The following TET2 variants were observed in gnomAD, a reference collection of about 807,000 sequenced individuals.
TET2 encodes the protein methylcytosine dioxygenase TET2.
In TET2, 299 loss-of-function variants were observed where a neutral mutation model predicts 142.9. That is an observed-to-expected ratio of 2.09 (90% CI 1.90 to 2.30). The LOEUF is 2.30. Ranked by LOEUF, TET2 falls within the 30% of genes most tolerant of loss-of-function variation. The pLI is 0.00. For missense variants in TET2, 2,418 were observed against 2,378.0 expected (o/e 1.02, Z -0.35); for synonymous variants, 819 against 849.0 (o/e 0.96, Z 0.61).
At chr4:105,274,211 C>T (rs944885794) in intron 10 of TET2, among the ~76,000 whole-genome samples, 3 of 152,214 alleles carry the variant, frequency 2.0e-5, no homozygotes, top group Non-Finnish European at 2.9e-5. Flanking sequence ...GTAATAATCC[C>T]TTCTGTTCTC....
At chr4:105,163,479 A>C (rs1032031941) in intron 1 of TET2, among the ~76,000 whole-genome samples, 20 of 152,312 alleles carry the variant, frequency 1.3e-4, no homozygotes, top group African/African-American at 4.8e-4. Flanking sequence ...CAGTTGCCTC[A>C]AATAGCGTAA....
intron 1 of TET2, among the ~76,000 whole-genome samples, chr4:105,180,957 C>G (rs1578570926): frequency 6.6e-6 from 1 of 152,044 alleles, no homozygotes; most frequent in Non-Finnish European, 1.5e-5. Context: ...TTTCTTTTAA[C>G]TCAAATCCTC....
At chr4:105,214,471 ATTTTTTTTT>A (rs35752514) in intron 2 of TET2, among the ~76,000 whole-genome samples, 10 of 92,104 alleles carry the variant, frequency 1.1e-4, no homozygotes, top group African/African-American at 4.8e-4. Context: ...CACACCTGGC[ATTTTTTTTT>A]TTTTTTTTTT....
chr4:105,181,055 A>G (rs1472263714), intron 1 of TET2, among the ~76,000 whole-genome samples: 1 of 152,184 alleles, frequency 6.6e-6, no homozygotes, highest in African/African-American at 2.4e-5. Context: ...TATAAAACCA[A>G]GTTTAAAAAT....
In TET2 at chr4:105,276,217, C is replaced by T; in HGVS notation, c.5707C>T (p.Gln1903Ter). 6.4e-7 allele frequency: 1 copy of T among 1,551,628 alleles called. No homozygotes were observed. The change falls in exon 11 of 11, where the codon CAG (glutamine) becomes TAG (stop). Residue 1903 changes from glutamine (Q) to a stop codon, truncating the protein, a stop_gained. Coordinates refer to ENST00000380013, the MANE Select transcript of TET2 (RefSeq NM_001127208.3). LOFTEE classifies it high-confidence loss of function. Reference sequence around the variant, plus strand: ...CACCAGGATCTCCCTCGTCTTTTACCAGCATAAGAGCATGAATGAGCCAAA... The same window carrying T: ...CACCAGGATCTCCCTCGTCTTTTACTAGCATAAGAGCATGAATGAGCCAAA... ...HPTRISLVFY[Q>*]HKSMNEPKHG...
chr4:105,236,487 A>G lies in TET2; in HGVS notation c.2545A>G (p.Thr849Ala). The G allele has an allele frequency of 4.3e-6, 7 of 1,614,142 alleles. No homozygotes were observed. The highest frequency in any genetic ancestry group is 5.9e-6 in the Non-Finnish European group (7 of 1,180,018). The change falls in exon 3 of 11, where the codon ACA (threonine) becomes GCA (alanine). Residue 849 changes from threonine to alanine, a missense_variant. Transcript: ENST00000380013. The stretch of plus-strand genomic sequence containing the variant: ...AGTTTCAGAGAATAAAGAACAGACT[A>G]CACATCCTGAACTTTTTGCAGGAAA... ...HLVSENKEQT[T>A]HPELFAGNKT...
chr4:105,189,299 C>T (rs1308729249), intron 1 of TET2, among the ~76,000 whole-genome samples: 2 of 152,050 alleles, frequency 1.3e-5, no homozygotes, highest in African/African-American at 2.4e-5. Flanking sequence ...CCAAGAACCC[C>T]GGGAACCTGA....
chr4:105,269,465 T>G, intron 8 of TET2, 145 bp from the exon 9 acceptor site: 2 of 827,700 alleles, frequency 2.4e-6, no homozygotes, highest in Non-Finnish European at 3.7e-6. Flanking sequence ...ATTTGCTCTA[T>G]TTTGTGTCAT....
intron 2 of TET2, among the ~76,000 whole-genome samples, chr4:105,209,765 G>A (rs1727051966): frequency 6.6e-6 from 1 of 152,140 alleles, no homozygotes; most frequent in Non-Finnish European, 1.5e-5. Context: ...TAGTATAGAG[G>A]TGTGAAGATC....
At chr4:105,163,486 G>A (rs6825684) in intron 1 of TET2, among the ~76,000 whole-genome samples, 26,053 of 152,024 alleles carry the variant, frequency 0.17, 2,671 homozygotes, top group African/African-American at 0.28. Flanking sequence ...CTCAAATAGC[G>A]TAACAAGCTA....
intron 1 of TET2, among the ~76,000 whole-genome samples, chr4:105,148,867 C>G (rs892032260): frequency 6.6e-6 from 1 of 152,076 alleles, no homozygotes; most frequent in African/African-American, 2.4e-5. Context: ...CTCCATAAGT[C>G]GAATTTCCAA....
chr4:105,177,294 T>C (rs1259748889), intron 1 of TET2, among the ~76,000 whole-genome samples: 1 of 152,180 alleles, frequency 6.6e-6, no homozygotes, highest in East Asian at 1.9e-4. Context: ...TTAACTAAAA[T>C]TTAAAACTTC....
chr4:105,236,821 A>C lies in TET2; in HGVS notation c.2879A>C (p.Gln960Pro). 6.2e-7 allele frequency: 1 copy of C among 1,614,152 alleles called. No homozygotes were observed. The highest frequency in any genetic ancestry group is 8.5e-7 in the Non-Finnish European group (1 of 1,180,000). ...AALRWHLLQK[Q>P]EQQQTQQPQT... Reference sequence around the variant, plus strand: ...CTAAGGTGGCATCTCTTACAGAAGCAAGAACAGCAGCAAACACAGCAACCC... The same window carrying C: ...CTAAGGTGGCATCTCTTACAGAAGCCAGAACAGCAGCAAACACAGCAACCC... Residue 960 changes from glutamine to proline, a missense_variant, in exon 3 of 11, where the codon CAA becomes CCA. Transcript: ENST00000380013.
At position 105,277,743 on chromosome 4, in the gene TET2, T is replaced by C. The variant is rs1166271564; in HGVS notation, c.*1224T>C. On this transcript the variant is annotated 3_prime_UTR_variant, in exon 11 of 11. Coordinates refer to ENST00000380013, the MANE Select transcript of TET2 (RefSeq NM_001127208.3). The stretch of plus-strand genomic sequence containing the variant: ...GTATGACAAGTTCATTGCTCAAAAA[T>C]GTACAGTTTTAAGAATTTTCTATTA... The C allele has an allele frequency of 4.4e-6, 1 of 227,926 alleles. No homozygotes were observed. The highest frequency in any genetic ancestry group is 8.7e-6 in the Non-Finnish European group (1 of 114,898). 14.1% of individuals were successfully genotyped at this position (227,926 alleles called of 1,614,324 possible). A position where few individuals can be genotyped will look rare whatever the true frequency, so the allele number is the denominator to read the frequency against.
Position 105,276,237 on chromosome 4 carries a change from G to C in TET2, c.5727G>C (p.Glu1909Asp), listed in dbSNP as rs1317517207. The C allele has an allele frequency of 6.4e-7, 1 of 1,551,534 alleles. No homozygotes were observed. The change falls in exon 11 of 11, where the codon GAG (glutamate) becomes GAC (aspartate). Residue 1909 changes from glutamate (E) to aspartate (D), a missense_variant. Physicochemically the swap from Glu to Asp is conservative, Grantham distance 45. Transcript: ENST00000380013. ...LVFYQHKSMNEPKHGLALWEA... is the reference protein window; with the variant it reads ...LVFYQHKSMNDPKHGLALWEA... ...TTTACCAGCATAAGAGCATGAATGAGCCAAAACATGGCTTGGCTCTTTGGG... is the reference window on the plus strand; with the variant it reads ...TTTACCAGCATAAGAGCATGAATGACCCAAAACATGGCTTGGCTCTTTGGG...
chr4:105,204,418 A>C (rs949609540), intron 2 of TET2, among the ~76,000 whole-genome samples: 1 of 152,156 alleles, frequency 6.6e-6, no homozygotes, highest in Non-Finnish European at 1.5e-5. Flanking sequence ...TTGCCTAAAA[A>C]TATTAGACAT....
At chr4:105,242,168 G>A in intron 4 of TET2, 1 of 1,128,508 alleles carries the variant, frequency 8.9e-7, no homozygotes. Context: ...TATCATTCTT[G>A]CTCCATTTCC....
intron 1 of TET2, among the ~76,000 whole-genome samples, chr4:105,182,996 G>A (rs1221314395): frequency 6.6e-6 from 1 of 152,074 alleles, no homozygotes; most frequent in East Asian, 1.9e-4. Context: ...AAATTGTAAG[G>A]TAGGGTTCAT....
chr4:105,275,184 C>T lies in TET2; in HGVS notation c.4674C>T (p.Asn1558=), dbSNP rs2110312194. The change falls in exon 11 of 11, where the codon AAC becomes AAT. Residue 1558 remains asparagine (N), a synonymous_variant. Transcript: ENST00000380013. ...ATCACCCTCAGACAGAGTCTGTCAA[C>T]TCTTATTCTGCTTCTGGATCCACCA... ...QPHHPQTESV[N]SYSASGSTNP... 1 of 1,552,248 alleles carries T rather than the reference C, an allele frequency of 6.4e-7. No homozygotes were observed. Among genetic ancestry groups the T allele is most frequent in the Non-Finnish European group, 8.7e-7 (1 of 1,147,098 alleles).
Sources: gnomAD v4.1 joint callset for allele counts (sites outside exome capture counted in the v4.1 genomes callset) on GRCh38, gnomAD v4.1.1 for gene constraint, MANE v1.5 for transcripts, NCBI Gene and HGNC (gene_info 2026-07-23, HGNC 2026-07-21) for gene names.